FBXL4: variants seen among roughly 807,000 people sequenced by gnomAD.
The protein encoded by FBXL4 is F-box/LRR-repeat protein 4.
Under a neutral mutation model 58.9 loss-of-function variants are expected in FBXL4, and 40 were observed. The ratio of observed to expected loss-of-function variants is 0.68; its 90% CI spans 0.53 to 0.88. The LOEUF is 0.88. FBXL4 is among the 40% of genes least tolerant of loss of function. The pLI is 0.00. For missense variants in FBXL4, 676 were observed against 734.4 expected, an observed-to-expected ratio of 0.92 and a Z score of 0.92; for synonymous variants, 263 against 265.5, an observed-to-expected ratio of 0.99 and a Z score of 0.09.
chr6:98,911,273 G>A (rs1772052029), intron 5 of FBXL4, among the ~76,000 whole-genome samples: 1 of 152,202 alleles, frequency 6.6e-6, no homozygotes, highest in East Asian at 1.9e-4. Flanking sequence ...CAAAAAGACA[G>A]CAGTAACCTC....
chr6:98,938,040 C>CT (rs1562251966), intron 1 of FBXL4, among the ~76,000 whole-genome samples: 18 of 86,392 alleles, frequency 2.1e-4, no homozygotes, highest in Non-Finnish European at 3.7e-4. Context: ...CCCCCTGCAC[C>CT]CTTTTTTTTT....
chr6:98,938,301 G>C (rs1346076938), intron 1 of FBXL4, among the ~76,000 whole-genome samples: 1 of 152,050 alleles, frequency 6.6e-6, no homozygotes, highest in Admixed American at 6.6e-5. Context: ...ACCATGTATA[G>C]TAAGCCTTAA....
intron 7 of FBXL4, chr6:98,896,708 A>C (rs1771422544): frequency 1.2e-6 from 1 of 821,096 alleles, no homozygotes; most frequent in African/African-American, 1.9e-5. Context: ...TGAGCCAATA[A>C]AAAAAATTTA....
At chr6:98,928,482 T>C (rs996906102) in intron 2 of FBXL4, among the ~76,000 whole-genome samples, 2 of 151,954 alleles carry the variant, frequency 1.3e-5, no homozygotes, top group Admixed American at 1.3e-4. Flanking sequence ...GCATACACCA[T>C]CATGCCCAGC....
At chr6:98,930,662 C>T (rs758495099) in intron 2 of FBXL4, among the ~76,000 whole-genome samples, 1 of 152,100 alleles carries the variant, frequency 6.6e-6, no homozygotes, top group Non-Finnish European at 1.5e-5. Context: ...TGGAGGATAA[C>T]TTGAGCTCAG....
intron 7 of FBXL4, among the ~76,000 whole-genome samples, chr6:98,888,781 T>G (rs1771123790): frequency 6.6e-6 from 1 of 152,162 alleles, no homozygotes; most frequent in Non-Finnish European, 1.5e-5. Context: ...AGTGACTGGG[T>G]CCATGATAAT....
intron 5 of FBXL4, among the ~76,000 whole-genome samples, chr6:98,911,060 G>A (rs913940805): frequency 3.3e-5 from 5 of 152,118 alleles, no homozygotes; most frequent in East Asian, 1.9e-4. Context: ...CTACGCCCAC[G>A]GAGTCTCGCT....
intron 7 of FBXL4, chr6:98,896,855 C>G: frequency 1.0e-6 from 1 of 985,184 alleles, no homozygotes; most frequent in African/African-American, 1.7e-5. Context: ...AATTTCCACT[C>G]TTCAGATATG....
chr6:98,898,760 T>C, intron 7 of FBXL4: 1 of 985,192 alleles, frequency 1.0e-6, no homozygotes, highest in Non-Finnish European at 1.2e-6. Flanking sequence ...AGATAATATA[T>C]GCACTGACCC....
chr6:98,918,659 T>C (rs1772464801), intron 4 of FBXL4, among the ~76,000 whole-genome samples: 2 of 152,142 alleles, frequency 1.3e-5, no homozygotes, highest in South Asian at 4.1e-4. Flanking sequence ...ATTAGAAACA[T>C]TTAAAAATAC....
chr6:98,905,790 T>C (rs1771788409), intron 5 of FBXL4, 120 bp from the exon 6 acceptor site: 3 of 1,003,060 alleles, frequency 3.0e-6, no homozygotes, highest in Admixed American at 2.7e-5. Flanking sequence ...TATTTTCACA[T>C]AGTAAATAAA....
chr6:98,912,646 A>G (rs1163699020), intron 5 of FBXL4, among the ~76,000 whole-genome samples: 4 of 152,290 alleles, frequency 2.6e-5, no homozygotes, highest in African/African-American at 9.6e-5. Flanking sequence ...TGTCACCACC[A>G]GGCCTGCCCT....
chr6:98,914,828 G>T (rs1050095293), intron 5 of FBXL4, among the ~76,000 whole-genome samples: 16 of 152,182 alleles, frequency 1.1e-4, no homozygotes, highest in African/African-American at 3.6e-4. Flanking sequence ...GGGCAATTAG[G>T]CAGGAGAAGG....
chr6:98,899,916 G>T (rs917171747), intron 6 of FBXL4, among the ~76,000 whole-genome samples: 1 of 152,062 alleles, frequency 6.6e-6, no homozygotes, highest in African/African-American at 2.4e-5. Context: ...GCACACGAAA[G>T]TAACAACTTA....
intron 5 of FBXL4, 56 bp from the exon 6 acceptor site, chr6:98,905,726 GA>G (rs1771785754): frequency 1.3e-6 from 2 of 1,549,850 alleles, no homozygotes; most frequent in South Asian, 2.3e-5. Flanking sequence ...ATCATTCTAT[GA>G]AACATATAAC....
rs1393361537 is a variant in FBXL4 at position 98,874,562 on chromosome 6, C to T, written c.1703-121G>A. ...GTAATGAACTTAAAATAACCCTTTA[C>T]AAATTAAAATCATTTTTTCAAACAT... is the stretch of plus-strand genomic sequence containing the variant. On this transcript the variant is annotated intron_variant, in intron 9 of 9. Coordinates refer to ENST00000369244, the MANE Select transcript of FBXL4 (RefSeq NM_001278716.2). 22 of 1,094,036 alleles carry T rather than the reference C, an allele frequency of 2.0e-5. 1 individual carries two copies. In the South Asian group the frequency reaches 2.4e-4, roughly 12 times the overall value. The allele number at this position is 1,094,036 out of a possible 1,614,324, so 67.8% of individuals were successfully genotyped here.
intron 7 of FBXL4, chr6:98,898,756 T>C: frequency 1.0e-6 from 1 of 985,176 alleles, no homozygotes; most frequent in South Asian, 4.7e-5. Context: ...AGTTAGATAA[T>C]ATATGCACTG....
chr6:98,891,468 G>C (rs1443248960), intron 7 of FBXL4, among the ~76,000 whole-genome samples: 5 of 152,086 alleles, frequency 3.3e-5, no homozygotes, highest in Admixed American at 3.3e-4. Flanking sequence ...GTCTCATTTT[G>C]AAGCCTATTT....
At chr6:98,905,990 A>T (rs1381702930) in intron 5 of FBXL4, among the ~76,000 whole-genome samples, 1 of 152,196 alleles carries the variant, frequency 6.6e-6, no homozygotes, top group Non-Finnish European at 1.5e-5. Context: ...TACGTGCCAG[A>T]CACTGGCGAC....
Sources: gnomAD v4.1 joint callset for allele counts (sites outside exome capture counted in the v4.1 genomes callset) on GRCh38, gnomAD v4.1.1 for gene constraint, MANE v1.5 for transcripts, NCBI Gene and HGNC (gene_info 2026-07-23, HGNC 2026-07-21) for gene names.